The following M1AP variants were observed in gnomAD, a reference collection of about 807,000 sequenced individuals.
M1AP encodes meiosis 1 associated protein, also known as meiosis 1 arrest protein.
A neutral mutation model predicts 51.2 loss-of-function variants in M1AP; 39 were observed. That is an observed-to-expected ratio of 0.76 (90% CI 0.59 to 1.00). The LOEUF is 1.00. Ranked by LOEUF, M1AP falls within the 50% of genes least tolerant of loss-of-function variation. The pLI, the probability that M1AP is intolerant of heterozygous loss-of-function variation, is 0.00. For synonymous variants in M1AP, 251 were observed against 249.2 expected, an observed-to-expected ratio of 1.01 and a Z score of -0.07; for missense variants, 545 against 641.2, an observed-to-expected ratio of 0.85 and a Z score of 1.62.
chr2:74,575,351 G>C, intron 7 of M1AP, 87 bp downstream of exon 7: 1 of 1,580,212 alleles, frequency 6.3e-7, no homozygotes, highest in Non-Finnish European at 8.6e-7. Context: ...GGCAGATTTA[G>C]GATTGGGCAG....
intron 4 of M1AP, among the ~76,000 whole-genome samples, chr2:74,583,093 A>C (rs1387690436): frequency 6.6e-6 from 1 of 151,900 alleles, no homozygotes; most frequent in African/African-American, 2.4e-5. Flanking sequence ...AAACAAACAA[A>C]CAACCCCAAA....
chr2:74,584,868 G>A (rs1227693859), intron 4 of M1AP, among the ~76,000 whole-genome samples: 1 of 148,852 alleles, frequency 6.7e-6, no homozygotes, highest in Non-Finnish European at 1.5e-5. Context: ...TTTGAGATGG[G>A]GTCTCACTCT....
chr2:74,592,265 G>C (rs1031410247), intron 4 of M1AP, among the ~76,000 whole-genome samples: 1 of 152,064 alleles, frequency 6.6e-6, no homozygotes, highest in Non-Finnish European at 1.5e-5. Context: ...AAAACACATA[G>C]GTAATTTTGT....
intron 4 of M1AP, 140 bp from the exon 5 acceptor site, chr2:74,581,987 T>C (rs1679435137): frequency 1.5e-6 from 1 of 688,708 alleles, no homozygotes; most frequent in Admixed American, 2.9e-5. Flanking sequence ...GCTATTCACA[T>C]GCACAATCAT....
At chr2:74,634,706 A>G (rs1394824889) in intron 2 of M1AP, among the ~76,000 whole-genome samples, 1 of 152,164 alleles carries the variant, frequency 6.6e-6, no homozygotes, top group Non-Finnish European at 1.5e-5. Context: ...TCATGAGTGG[A>G]CGTTGAACTT....
At chr2:74,602,106 T>C (rs777478712) in intron 4 of M1AP, among the ~76,000 whole-genome samples, 3 of 152,202 alleles carry the variant, frequency 2.0e-5, no homozygotes, top group African/African-American at 4.8e-5. Flanking sequence ...TTTATGATAT[T>C]CATGAGTTAT....
chr2:74,575,869 T>C (rs1476032156), intron 6 of M1AP, among the ~76,000 whole-genome samples: 1 of 152,244 alleles, frequency 6.6e-6, no homozygotes, highest in Non-Finnish European at 1.5e-5. Context: ...TTTGTTTTTC[T>C]TTCAAGATAA....
rs150381207 is a variant in M1AP, at chr2:74,601,344, T to C, written c.595+5711A>G. Among the ~76,000 whole-genome samples, 434 of 151,902 alleles carry C rather than the reference T, an allele frequency of 2.9e-3. 1 individual carries two copies. The highest frequency in any genetic ancestry group is 9.8e-3 in the African/African-American group (406 of 41,446). On this transcript the variant is annotated intron_variant, in intron 4 of 10. Coordinates refer to ENST00000421985, the MANE Select transcript of M1AP (RefSeq NM_001321739.2). Reference sequence around the variant, plus strand: ...GCTAAATGAAAAAAAAGCAGAGCAGTTGGTATGGTATAGTCTCATTTTTTG... The same window carrying C: ...GCTAAATGAAAAAAAAGCAGAGCAGCTGGTATGGTATAGTCTCATTTTTTG...
chr2:74,571,365 G>T (rs1023729880), intron 7 of M1AP, among the ~76,000 whole-genome samples: 4 of 152,190 alleles, frequency 2.6e-5, no homozygotes, highest in Non-Finnish European at 5.9e-5. Context: ...GCAGAAGTTA[G>T]AATGAGAAGT....
rs762405845 is a variant in M1AP, at chr2:74,562,329, G to T, written c.1169C>A (p.Ser390Ter). 5 of 1,614,138 alleles carry T rather than the reference G, an allele frequency of 3.1e-6. No homozygotes were observed. The African/African-American group carries it at 5.3e-5, about 17-fold the overall frequency. Residue 390 changes from serine to a stop codon, truncating the protein, a stop_gained, in exon 8 of 11, where the codon TCA (serine) becomes TAA (stop). Coordinates refer to ENST00000421985, the MANE Select transcript of M1AP (RefSeq NM_001321739.2). LOFTEE classifies it high-confidence loss of function. ...CTTTACCAGCAGTGTGAGGGAGTGT[G>T]ACGGCATGATCACATAGAAGGTGCT... Reference protein sequence around the residue: ...PASTFYVIMPSHSLTLLVKAV... With the variant: ...PASTFYVIMP
chr2:74,597,572 C>T (rs762328011), intron 4 of M1AP, among the ~76,000 whole-genome samples: 30 of 152,082 alleles, frequency 2.0e-4, no homozygotes, highest in Admixed American at 4.6e-4. Flanking sequence ...CCTGAGAACA[C>T]ATATGGAGAA....
chr2:74,564,188 A>G (rs1678223438), intron 7 of M1AP, among the ~76,000 whole-genome samples: 1 of 152,254 alleles, frequency 6.6e-6, no homozygotes, highest in African/African-American at 2.4e-5. Context: ...ACAGTGAGAC[A>G]GAAAACACTT....
intron 4 of M1AP, among the ~76,000 whole-genome samples, chr2:74,596,735 T>C (rs1477883764): frequency 2.0e-5 from 3 of 152,202 alleles, no homozygotes; most frequent in South Asian, 4.1e-4. Context: ...TATCCATTAA[T>C]ACATAAATGT....
Position 74,615,125 on chromosome 2 carries a change from A to G in M1AP, c.265T>C (p.Leu89=). ...FVQVKGNFAR[L]QTCISELRML... ...CGGAGTTCTGAGATGCAGGTCTGCA[A>G]CCTAGCAAAGTTCCCTTTCACTTGC... Residue 89 remains leucine (L), a synonymous_variant, in exon 3 of 11, where the codon TTG becomes CTG. Transcript: ENST00000421985. 1 of 1,614,168 alleles carries G rather than the reference A, an allele frequency of 6.2e-7. No homozygotes were observed. Among genetic ancestry groups the G allele is most frequent in the East Asian group, 2.2e-5 (1 of 44,892 alleles).
intron 5 of M1AP, 91 bp from the exon 6 acceptor site, chr2:74,576,709 C>T (rs1331241187): frequency 2.8e-6 from 4 of 1,420,044 alleles, no homozygotes; most frequent in African/African-American, 1.4e-5. Context: ...CATTAAGAGA[C>T]AACATCTGCT....
At position 74,607,140 on chromosome 2, in the gene M1AP, G is replaced by A. The variant is rs886240349; in HGVS notation, c.510C>T (p.Val170=). 1.2e-6 allele frequency: 2 copies of A among 1,613,990 alleles called. No homozygotes were observed. Among genetic ancestry groups the A allele is most frequent in the African/African-American group, 2.7e-5 (2 of 74,922 alleles). ...EGLKDTDLAR[V]RRFQVVEVTK... ...TGACCTCAACGACCTGAAACCTCCTGACTCTGGCTAGGTCTGTATCTTTCA... is the reference window on the plus strand; with the variant it reads ...TGACCTCAACGACCTGAAACCTCCTAACTCTGGCTAGGTCTGTATCTTTCA... The change falls in exon 4 of 11, where the codon GTC becomes GTT. Residue 170 remains valine, a synonymous_variant. Coordinates refer to ENST00000421985, the MANE Select transcript of M1AP (RefSeq NM_001321739.2).
At position 74,640,264 on chromosome 2, in the gene M1AP, C is replaced by T. The variant is rs769328081; in HGVS notation, c.12G>A (p.Gly4=). 1 of 1,614,022 alleles carries T rather than the reference C, an allele frequency of 6.2e-7. No individual in the cohort carries two copies. The highest frequency in any genetic ancestry group is 1.7e-5 in the Admixed American group (1 of 60,024). ...TAGAGGGCCCTTTACCAGTAGTTCG[C>T]CCAGGATGCATGGCAGCAAAACCAG... MHP[G]RTTGKGPSTH... is the part of the protein sequence containing the mutation. The change falls in exon 2 of 11, where the codon GGG becomes GGA. Residue 4 remains glycine (G), a synonymous_variant. Coordinates refer to ENST00000421985, the MANE Select transcript of M1AP (RefSeq NM_001321739.2).
chr2:74,616,956 GGT>G (rs1681702960), intron 2 of M1AP, among the ~76,000 whole-genome samples: 1 of 152,030 alleles, frequency 6.6e-6, no homozygotes, highest in Admixed American at 6.6e-5. Flanking sequence ...GGCCAACATG[GGT>G]TGAGTTTATT....
intron 2 of M1AP, among the ~76,000 whole-genome samples, chr2:74,624,705 C>A (rs180865227): frequency 6.6e-6 from 1 of 152,246 alleles, no homozygotes; most frequent in African/African-American, 2.4e-5. Flanking sequence ...GTAATTCTAT[C>A]ATTTTTCTTC....
Sources: allele counts gnomAD v4.1 joint callset (sites outside exome capture counted in the v4.1 genomes callset), GRCh38; gene constraint gnomAD v4.1.1; transcripts MANE v1.5; gene names NCBI Gene and HGNC (gene_info 2026-07-23, HGNC 2026-07-21).